SV2C: variants seen among roughly 807,000 people sequenced by gnomAD.
SV2C encodes the protein solute carrier family 22 member B3.
A neutral mutation model predicts 79.7 loss-of-function variants in SV2C; 49 were observed. The ratio of observed to expected loss-of-function variants is 0.61; its 90% confidence interval spans 0.49 to 0.78. The LOEUF (loss-of-function observed/expected upper bound fraction) is 0.78, where lower values mean the gene tolerates loss of function less well. SV2C is among the 30% of genes least tolerant of loss of function. The probability of loss-of-function intolerance (pLI) is 0.00; values close to 1 mark genes in which losing one functional copy is unlikely to be tolerated. For missense variants in SV2C, 833 were observed against 912.9 expected (o/e 0.91, Z 1.13); for synonymous variants, 334 against 333.2 (o/e 1.00, Z -0.03).
chr5:76,099,715 T>G (rs1051797976), intron 1 of SV2C, among the ~76,000 whole-genome samples: 1 of 152,234 alleles, frequency 6.6e-6, no homozygotes, highest in Non-Finnish European at 1.5e-5. Context: ...TTTGGGTTTA[T>G]GTTCAAGGTA....
the SV2C span, among the ~76,000 whole-genome samples, chr5:75,848,688 T>C: frequency 0.035 from 5,256 of 152,128 alleles, 269 homozygotes; most frequent in African/African-American, 0.11. Flanking sequence ...TGTCTCAAGA[T>C]AGGAGGGGTT....
In SV2C at chr5:76,325,350, T is replaced by A; in HGVS notation, c.2001-14T>A. ...GCATTTTCTCAACCTTGTTCATGTC[T>A]CTTTCCTTTGCAGGGCAACAGGCTT... On this transcript the variant is annotated splice_polypyrimidine_tract_variant and intron_variant, in intron 12 of 12. Transcript: ENST00000502798. The A allele has an allele frequency of 6.2e-7, 1 of 1,613,804 alleles. No individual in the cohort carries two copies. The highest frequency in any genetic ancestry group is 8.5e-7 in the Non-Finnish European group (1 of 1,179,804).
At chr5:76,334,083 T>C (rs186330301), downstream of SV2C, 9 of 152,310 alleles carry the variant, frequency 5.9e-5, no homozygotes, top group African/African-American at 2.2e-4. Context: ...ATTGTTTCTG[T>C]GGGCTGGTGT....
chr5:76,150,814 T>G (rs891138309), intron 2 of SV2C, among the ~76,000 whole-genome samples: 13 of 151,676 alleles, frequency 8.6e-5, no homozygotes, highest in African/African-American at 3.2e-4. Context: ...ATTTTTTTAT[T>G]TTTTTGTGGA....
chr5:76,306,151 G>A (rs1748186437), intron 12 of SV2C, among the ~76,000 whole-genome samples: 1 of 152,160 alleles, frequency 6.6e-6, no homozygotes, highest in Admixed American at 6.5e-5. Context: ...GCGCTCAAGT[G>A]ATCCTCCCCC....
chr5:75,847,590 A>T, the SV2C span, among the ~76,000 whole-genome samples: 1 of 152,160 alleles, frequency 6.6e-6, no homozygotes, highest in Non-Finnish European at 1.5e-5. Context: ...AGCTGCCCAC[A>T]TTTTCTCATT....
the SV2C span, among the ~76,000 whole-genome samples, chr5:75,940,909 T>C: frequency 6.6e-6 from 1 of 152,224 alleles, no homozygotes; most frequent in East Asian, 1.9e-4. Context: ...ACCACTTGCC[T>C]AGGATCCTAA....
At chr5:75,886,722 C>A in the SV2C span, among the ~76,000 whole-genome samples, 1 of 152,086 alleles carries the variant, frequency 6.6e-6, no homozygotes, top group Non-Finnish European at 1.5e-5. Flanking sequence ...AATCCACAGA[C>A]ATTTACAGAG....
At chr5:76,071,497 T>C in the SV2C span, among the ~76,000 whole-genome samples, 1 of 152,186 alleles carries the variant, frequency 6.6e-6, no homozygotes, top group African/African-American at 2.4e-5. Context: ...AAAATATCTT[T>C]ATTATCAGGG....
the SV2C span, among the ~76,000 whole-genome samples, chr5:75,942,640 A>G: frequency 1.1e-4 from 17 of 152,202 alleles, no homozygotes; most frequent in Non-Finnish European, 2.1e-4. Flanking sequence ...CCTAAATGAT[A>G]TACAATATGC....
intron 12 of SV2C, among the ~76,000 whole-genome samples, chr5:76,319,148 C>T (rs562473343): frequency 9.9e-5 from 15 of 152,188 alleles, no homozygotes; most frequent in African/African-American, 2.2e-4. Flanking sequence ...TGGTGGCTCA[C>T]GCCTGTAATC....
chr5:76,340,984 G>A (rs1749430812), intron 12 of SV2C, among the ~76,000 whole-genome samples: 1 of 146,422 alleles, frequency 6.8e-6, no homozygotes, highest in Non-Finnish European at 1.5e-5. Context: ...AGGCTGGAGT[G>A]CACTAGTGCA....
chr5:76,073,544 T>TATACAC, the SV2C span, among the ~76,000 whole-genome samples: 1 of 121,094 alleles, frequency 8.3e-6, no homozygotes. Context: ...TATATATATA[T>TATACAC]ACACCATGGA....
chr5:75,967,081 C>T, the SV2C span, among the ~76,000 whole-genome samples: 1 of 152,114 alleles, frequency 6.6e-6, no homozygotes, highest in Non-Finnish European at 1.5e-5. Flanking sequence ...TGCCTGTAAT[C>T]CCAATGCTTT....
the SV2C span, among the ~76,000 whole-genome samples, chr5:76,073,847 A>G: frequency 6.6e-6 from 1 of 152,020 alleles, no homozygotes; most frequent in African/African-American, 2.4e-5. Context: ...ATCACCACTA[A>G]AGAACTTATT....
At chr5:76,245,936 A>ATG (rs60767964) in intron 4 of SV2C, among the ~76,000 whole-genome samples, 10,935 of 128,890 alleles carry the variant, frequency 0.085, 469 homozygotes, top group Middle Eastern at 0.11. Context: ...GTGTGTGTGT[A>ATG]TGTGTGTGTG....
Position 76,315,896 on chromosome 5 carries a change from A to G in SV2C, c.2001-9468A>G, listed in dbSNP as rs76227668. Among the ~76,000 whole-genome samples, 15 of 152,318 alleles carry G rather than the reference A, an allele frequency of 9.8e-5. No individual in the cohort carries two copies. The East Asian group carries it at 2.7e-3, about 27-fold the overall frequency. ...GCCTCAGTATCCCCTGCATCACATC[A>G]TAAACACTTTCCCTTGGATGTTTTA... On this transcript the variant is annotated intron_variant, in intron 12 of 12. Coordinates refer to ENST00000502798, the MANE Select transcript of SV2C (RefSeq NM_014979.4).
the SV2C span, among the ~76,000 whole-genome samples, chr5:75,969,570 CAAAG>C: frequency 2.0e-5 from 3 of 152,058 alleles, no homozygotes; most frequent in Admixed American, 6.6e-5. Flanking sequence ...ATCAAAGAGA[CAAAG>C]AAGGCCATTA....
the SV2C span, among the ~76,000 whole-genome samples, chr5:75,937,029 T>C: frequency 1.3e-5 from 2 of 150,990 alleles, no homozygotes; most frequent in African/African-American, 4.9e-5. Context: ...TGTCAAAACG[T>C]TAAACCCTCT....
Sources: allele counts gnomAD v4.1 joint callset (sites outside exome capture counted in the v4.1 genomes callset), GRCh38; gene constraint gnomAD v4.1.1; transcripts MANE v1.5; gene names NCBI Gene and HGNC (gene_info 2026-07-23, HGNC 2026-07-21).